The following PRKN variants were observed in gnomAD, a reference collection of about 807,000 sequenced individuals.
PRKN encodes the protein parkin RBR E3 ubiquitin protein ligase.
A neutral mutation model predicts 59.5 loss-of-function variants in PRKN; 56 were observed. The observed-to-expected ratio is 0.94, with a 90% CI of 0.76 to 1.18. The LOEUF is 1.18. Ranked by LOEUF, PRKN falls within the 50% of genes most tolerant of loss-of-function variation. PRKN has a pLI of 0.00. For missense variants in PRKN, 657 were observed against 596.4 expected, an observed-to-expected ratio of 1.10 and a Z score of -1.06; for synonymous variants, 250 against 222.1, an observed-to-expected ratio of 1.13 and a Z score of -1.12.
chr6:161,494,913 T>C (rs1337630569), intron 9 of PRKN, among the ~76,000 whole-genome samples: 2 of 152,210 alleles, frequency 1.3e-5, no homozygotes, highest in Admixed American at 1.3e-4. Flanking sequence ...TGCTCCGCCT[T>C]GAACTCTGTT....
At position 161,548,461 on chromosome 6, in the gene PRKN, C is replaced by G. The variant is rs566473269; in HGVS notation, c.1083+393G>C. On this transcript the variant is annotated intron_variant, in intron 9 of 11. Transcript: ENST00000366898. The surrounding 1 kb of genome is among the most constrained non-coding windows in gnomAD (Gnocchi z 4.2). ...TGAAATACTCAGGCAAACAATGTCA[C>G]TAAGACGTCACTGATGGAGAATTCT... 1.3e-5 allele frequency among the ~76,000 whole-genome samples: 2 copies of G among 152,186 alleles called. No individual in the cohort carries two copies. Among genetic ancestry groups the G allele is most frequent in the Admixed American group, 1.3e-4 (2 of 15,272 alleles).
At chr6:161,558,911 G>A (rs929138346) in intron 8 of PRKN, among the ~76,000 whole-genome samples, 2 of 151,632 alleles carry the variant, frequency 1.3e-5, no homozygotes, top group Non-Finnish European at 2.9e-5. Context: ...TGCTAATAAT[G>A]TTTTCTTCAT....
At chr6:162,467,143 G>A (rs576507919) in intron 1 of PRKN, among the ~76,000 whole-genome samples, 4 of 152,230 alleles carry the variant, frequency 2.6e-5, no homozygotes, top group South Asian at 2.1e-4. Context: ...AAAATCACAC[G>A]TAATCAATCC....
intron 4 of PRKN, among the ~76,000 whole-genome samples, chr6:162,170,829 G>C (rs532835829): frequency 6.6e-6 from 1 of 152,134 alleles, no homozygotes; most frequent in Admixed American, 6.6e-5. Flanking sequence ...TGGTTTAAAA[G>C]GTAAGAAACC....
intron 5 of PRKN, among the ~76,000 whole-genome samples, chr6:162,002,772 T>G (rs1583464989): frequency 6.6e-6 from 1 of 152,136 alleles, no homozygotes; most frequent in South Asian, 2.1e-4. Flanking sequence ...CATTCAATGC[T>G]GTAGATTTCT....
chr6:161,738,201 C>T (rs886938701), intron 7 of PRKN, among the ~76,000 whole-genome samples: 7 of 152,124 alleles, frequency 4.6e-5, no homozygotes, highest in Non-Finnish European at 1.0e-4. Flanking sequence ...AACACCAAAG[C>T]TTCACCTATA....
At chr6:162,158,906 A>G (rs1303754350) in intron 4 of PRKN, among the ~76,000 whole-genome samples, 1 of 151,998 alleles carries the variant, frequency 6.6e-6, no homozygotes, top group Non-Finnish European at 1.5e-5. Context: ...AAAGCTCTAT[A>G]GTGTTCACAT....
At chr6:162,191,791 T>C (rs1252664746) in intron 4 of PRKN, among the ~76,000 whole-genome samples, 1 of 152,194 alleles carries the variant, frequency 6.6e-6, no homozygotes, top group African/African-American at 2.4e-5. Flanking sequence ...GTGTCCGTTG[T>C]TATCCTGCCT....
rs980345858 is a variant in PRKN, at chr6:161,488,461, G to C, written c.1083+60393C>G. Reference sequence around the variant, plus strand: ...ACAGAGGAGCAGAGAAGATAACAGAGACCGAGAAGGACATCTGAATTTATT... The same window carrying C: ...ACAGAGGAGCAGAGAAGATAACAGACACCGAGAAGGACATCTGAATTTATT... On this transcript the variant is annotated intron_variant, in intron 9 of 11. Transcript: ENST00000366898. This position sits in a 1 kb window ranked among gnomAD's most constrained non-coding sequence, Gnocchi z 4.5. Among the ~76,000 whole-genome samples, 1 of 152,174 alleles carries C rather than the reference G, an allele frequency of 6.6e-6. No individual in the cohort carries two copies. The highest frequency in any genetic ancestry group is 1.5e-5 in the Non-Finnish European group (1 of 68,042).
intron 3 of PRKN, among the ~76,000 whole-genome samples, chr6:162,213,160 A>T (rs182726473): frequency 2.0e-5 from 3 of 152,226 alleles, no homozygotes; most frequent in African/African-American, 4.8e-5. Context: ...GAAAAGGGAG[A>T]ATGATGGTTA....
At chr6:162,241,489 T>C (rs2128091700) in intron 3 of PRKN, among the ~76,000 whole-genome samples, 1 of 152,074 alleles carries the variant, frequency 6.6e-6, no homozygotes, top group East Asian at 1.9e-4. Flanking sequence ...GAGGTTGTGA[T>C]TGAGAAGTGA....
chr6:162,270,472 C>T (rs548324818), intron 2 of PRKN, among the ~76,000 whole-genome samples: 41 of 152,174 alleles, frequency 2.7e-4, no homozygotes, highest in African/African-American at 8.7e-4. Flanking sequence ...AACTAACTTA[C>T]GTAAACAAAT....
At chr6:161,811,855 G>T (rs1289962036) in intron 6 of PRKN, among the ~76,000 whole-genome samples, 2 of 151,816 alleles carry the variant, frequency 1.3e-5, no homozygotes, top group African/African-American at 2.4e-5. Flanking sequence ...CTGGGAGGTG[G>T]AGGTTGCAGT....
chr6:162,479,142 T>A (rs1792170426), intron 1 of PRKN, among the ~76,000 whole-genome samples: 1 of 152,164 alleles, frequency 6.6e-6, no homozygotes, highest in African/African-American at 2.4e-5. Context: ...ACAAATGTAT[T>A]GCACAGCTAC....
At chr6:162,425,516 A>G (rs1789193903) in intron 2 of PRKN, among the ~76,000 whole-genome samples, 1 of 152,230 alleles carries the variant, frequency 6.6e-6, no homozygotes, top group Admixed American at 6.5e-5. Context: ...ATAAAACAAG[A>G]GCAGGATTCC....
rs1443455303 is a variant in PRKN at position 162,662,693 on chromosome 6, T to C, written c.7+64969A>G. Among the ~76,000 whole-genome samples, 3 of 152,190 alleles carry C rather than the reference T, an allele frequency of 2.0e-5. No homozygotes were observed. In the East Asian group the frequency reaches 5.8e-4, roughly 29 times the overall value. ...ATTGAATAGGGTGTCCTTTCTCCAATGTATATCTTTGTCAACTAGGTCAAA... is the reference window on the plus strand; with the variant it reads ...ATTGAATAGGGTGTCCTTTCTCCAACGTATATCTTTGTCAACTAGGTCAAA... On this transcript the variant is annotated intron_variant, in intron 1 of 11. Coordinates refer to ENST00000366898, the MANE Select transcript of PRKN (RefSeq NM_004562.3).
At chr6:161,631,283 T>C (rs1279676681) in intron 7 of PRKN, among the ~76,000 whole-genome samples, 1 of 152,240 alleles carries the variant, frequency 6.6e-6, no homozygotes, top group Non-Finnish European at 1.5e-5. Context: ...GGAAACAAAT[T>C]CTTTACCAAG....
At chr6:162,521,582 T>C (rs1236294573) in intron 1 of PRKN, among the ~76,000 whole-genome samples, 2 of 152,140 alleles carry the variant, frequency 1.3e-5, no homozygotes, top group South Asian at 2.1e-4. Context: ...ACTCAGTTTG[T>C]TGGAAAAAAC....
chr6:161,890,228 T>C (rs1394678083), intron 6 of PRKN, among the ~76,000 whole-genome samples: 3 of 152,244 alleles, frequency 2.0e-5, no homozygotes, highest in African/African-American at 4.8e-5. Context: ...CCTGAGATGC[T>C]ATTTTTCAAA....
Sources: allele counts gnomAD v4.1 joint callset (sites outside exome capture counted in the v4.1 genomes callset), GRCh38; gene constraint gnomAD v4.1.1; non-coding constraint Gnocchi (gnomAD v3.1); transcripts MANE v1.5; gene names NCBI Gene and HGNC (gene_info 2026-07-23, HGNC 2026-07-21).